EXOC4: variants seen among roughly 807,000 people sequenced by gnomAD.
EXOC4 encodes the protein exocyst complex component 4, also known as SEC8-like 1.
In EXOC4, 71 loss-of-function variants were observed where a neutral mutation model predicts 107.2. That is an observed-to-expected ratio of 0.66 (90% CI 0.55 to 0.81). The LOEUF is 0.81. Among genes scored for constraint, EXOC4 ranks in the 30% least tolerant of loss-of-function variants. The pLI is 0.00. For synonymous variants in EXOC4, 456 were observed against 441.2 expected (o/e 1.03, Z -0.42); for missense variants, 1,108 against 1,189.6 (o/e 0.93, Z 1.01).
At chr7:133,592,380 A>T (rs1801569939) in intron 9 of EXOC4, among the ~76,000 whole-genome samples, 1 of 152,178 alleles carries the variant, frequency 6.6e-6, no homozygotes, top group Non-Finnish European at 1.5e-5. Flanking sequence ...AAATGTTTAT[A>T]CCTGGGAATA....
intron 14 of EXOC4, among the ~76,000 whole-genome samples, chr7:133,993,743 A>G (rs1481393930): frequency 6.6e-6 from 1 of 152,222 alleles, no homozygotes; most frequent in African/African-American, 2.4e-5. Flanking sequence ...CTTAATAGGA[A>G]GATGATGCAA....
intron 7 of EXOC4, among the ~76,000 whole-genome samples, chr7:133,394,079 G>A (rs1796917335): frequency 6.6e-6 from 1 of 152,106 alleles, no homozygotes; most frequent in Non-Finnish European, 1.5e-5. Flanking sequence ...GAAATAATGG[G>A]CATGAAATAA....
At chr7:133,641,464 G>A (rs1235492274) in intron 10 of EXOC4, among the ~76,000 whole-genome samples, 4 of 151,828 alleles carry the variant, frequency 2.6e-5, no homozygotes, top group South Asian at 2.1e-4. Context: ...ATACATATAC[G>A]TACATACAAA....
chr7:133,948,531 T>C (rs1800607807), intron 14 of EXOC4, among the ~76,000 whole-genome samples: 1 of 152,150 alleles, frequency 6.6e-6, no homozygotes, highest in Non-Finnish European at 1.5e-5. Flanking sequence ...TAATCAATAG[T>C]GCATAAAGAC....
intron 12 of EXOC4, among the ~76,000 whole-genome samples, chr7:133,915,123 A>T (rs187665401): frequency 1.3e-3 from 195 of 152,330 alleles, no homozygotes; most frequent in African/African-American, 4.6e-3. Context: ...TTGGAGAGAG[A>T]TTTCATGAAT....
chr7:133,786,992 A>G (rs1796582470), intron 10 of EXOC4, among the ~76,000 whole-genome samples: 1 of 152,222 alleles, frequency 6.6e-6, no homozygotes, highest in African/African-American at 2.4e-5. Context: ...ATAAACAGAG[A>G]AGTAGTTGCA....
intron 9 of EXOC4, among the ~76,000 whole-genome samples, chr7:133,575,330 T>C (rs781330077): frequency 1.3e-5 from 2 of 152,218 alleles, no homozygotes; most frequent in Non-Finnish European, 2.9e-5. Flanking sequence ...GATAAGATTT[T>C]AGTTCTAGAC....
chr7:134,029,819 C>G (rs1364393603), intron 17 of EXOC4, among the ~76,000 whole-genome samples: 1 of 152,224 alleles, frequency 6.6e-6, no homozygotes, highest in East Asian at 1.9e-4. Context: ...CCATGCCTGG[C>G]TGGTGGCCCT....
chr7:133,563,706 G>A (rs1282129902), intron 9 of EXOC4, among the ~76,000 whole-genome samples: 1 of 152,156 alleles, frequency 6.6e-6, no homozygotes, highest in Non-Finnish European at 1.5e-5. Flanking sequence ...AGTTAGTGGG[G>A]AAAATTTAGA....
At chr7:133,376,785 A>G (rs185658306) in intron 7 of EXOC4, among the ~76,000 whole-genome samples, 16 of 152,328 alleles carry the variant, frequency 1.1e-4, no homozygotes, top group African/African-American at 3.6e-4. Context: ...GAAAGGTCAC[A>G]CCTTATGAGT....
intron 9 of EXOC4, among the ~76,000 whole-genome samples, chr7:133,596,139 A>G (rs1275564645): frequency 1.3e-5 from 2 of 152,134 alleles, no homozygotes; most frequent in East Asian, 3.8e-4. Context: ...TAAATGGTGC[A>G]TTTCTTTGGT....
At chr7:133,994,957 C>T (rs1794352772) in intron 14 of EXOC4, among the ~76,000 whole-genome samples, 1 of 152,090 alleles carries the variant, frequency 6.6e-6, no homozygotes, top group Non-Finnish European at 1.5e-5. Context: ...GTTAAGAAAA[C>T]TTTGTAAGTT....
intron 9 of EXOC4, among the ~76,000 whole-genome samples, chr7:133,583,445 G>C (rs946274174): frequency 2.6e-5 from 4 of 152,188 alleles, no homozygotes; most frequent in African/African-American, 9.7e-5. Context: ...ATGCTGTTCA[G>C]GATGCTCTGG....
At chr7:133,652,449 T>TTA (rs1245138753) in intron 10 of EXOC4, among the ~76,000 whole-genome samples, 101 of 151,246 alleles carry the variant, frequency 6.7e-4, no homozygotes, top group African/African-American at 2.1e-3. Flanking sequence ...TTTTTTTTTT[T>TTA]AAAAAAAACA....
intron 9 of EXOC4, among the ~76,000 whole-genome samples, chr7:133,556,702 G>A (rs902446270): frequency 2.0e-5 from 3 of 152,182 alleles, no homozygotes; most frequent in East Asian, 1.9e-4. Flanking sequence ...TATGGGGCTG[G>A]ACATGAGGGA....
intron 17 of EXOC4, among the ~76,000 whole-genome samples, chr7:134,035,447 T>C (rs1028052970): frequency 1.3e-5 from 2 of 152,034 alleles, no homozygotes; most frequent in African/African-American, 4.8e-5. Context: ...TTAATTTAAA[T>C]TACAAAGAAC....
intron 10 of EXOC4, among the ~76,000 whole-genome samples, chr7:133,644,550 A>G (rs183200786): frequency 1.3e-3 from 194 of 152,352 alleles, no homozygotes; most frequent in African/African-American, 4.6e-3. Context: ...TTTGGTCCTC[A>G]TACCAACCCT....
At chr7:133,638,586 C>G (rs1802770292) in intron 10 of EXOC4, among the ~76,000 whole-genome samples, 1 of 152,154 alleles carries the variant, frequency 6.6e-6, no homozygotes, top group South Asian at 2.1e-4. Flanking sequence ...TGCCACCCCT[C>G]CCTACCATAT....
chr7:133,914,636 A>T (rs1470516987), intron 12 of EXOC4, among the ~76,000 whole-genome samples: 2 of 49,836 alleles, frequency 4.0e-5, no homozygotes, highest in East Asian at 6.9e-4. Context: ...AATAAAAAAT[A>T]AAAAAAAAGG....
Sources: gnomAD v4.1 joint callset for allele counts (sites outside exome capture counted in the v4.1 genomes callset) on GRCh38, gnomAD v4.1.1 for gene constraint, MANE v1.5 for transcripts, NCBI Gene and HGNC (gene_info 2026-07-23, HGNC 2026-07-21) for gene names.